ADAMTS13: variants seen among roughly 807,000 people sequenced by gnomAD.
ADAMTS13 encodes A disintegrin and metalloproteinase with thrombospondin motifs 13.
In ADAMTS13, 110 loss-of-function variants were observed where a neutral mutation model predicts 155.1. The observed-to-expected ratio is 0.71, with a 90% CI of 0.61 to 0.83. ADAMTS13 has a LOEUF of 0.83. ADAMTS13 is among the 40% of genes least tolerant of loss of function. The pLI is 0.00. For missense variants in ADAMTS13, 1,707 were observed against 1,891.7 expected (o/e 0.90, Z 1.81); for synonymous variants, 758 against 756.4 (o/e 1.00, Z -0.03).
At chr9:133,419,698 T>C (rs1839868392), upstream of ADAMTS13, among the ~76,000 whole-genome samples, 1 of 152,114 alleles carries the variant, frequency 6.6e-6, no homozygotes, top group Non-Finnish European at 1.5e-5. Flanking sequence ...GAACCAGATA[T>C]GGCACTGAGA....
chr9:133,453,783 C>T (rs1014157454), intron 23 of ADAMTS13, among the ~76,000 whole-genome samples: 1 of 152,196 alleles, frequency 6.6e-6, no homozygotes, highest in Non-Finnish European at 1.5e-5. Flanking sequence ...AATCCACGCT[C>T]TGAGAGGAGG....
chr9:133,423,784 C>T (rs1028168983), intron 2 of ADAMTS13, among the ~76,000 whole-genome samples: 39 of 152,348 alleles, frequency 2.6e-4, no homozygotes, highest in African/African-American at 8.4e-4. Context: ...TGCCTGGGGC[C>T]ACGCTGGGGG....
At position 133,424,221 on chromosome 9, in the gene ADAMTS13, G is replaced by T; in HGVS notation, c.173-100G>T. The T allele has an allele frequency of 6.4e-7, 1 of 1,573,262 alleles. No individual in the cohort carries two copies. Among genetic ancestry groups the T allele is most frequent in the Non-Finnish European group, 8.6e-7 (1 of 1,157,766 alleles). ...GGGTGACACGCAATGTCTTGACTTC[G>T]GAAGGCCATCCTTCCAAGACCTGCC... On this transcript the variant is annotated intron_variant, in intron 2 of 28. Coordinates refer to ENST00000355699, the MANE Select transcript of ADAMTS13 (RefSeq NM_139027.6). The surrounding 1 kb of genome is among the most constrained non-coding windows in gnomAD (Gnocchi z 4.3).
At chr9:133,431,570 G>T (rs188945868) in intron 8 of ADAMTS13, among the ~76,000 whole-genome samples, 1 of 151,942 alleles carries the variant, frequency 6.6e-6, no homozygotes, top group East Asian at 1.9e-4. Flanking sequence ...CAGGTGATCC[G>T]CCCGCCTTGG....
chr9:133,457,961 T>C lies in ADAMTS13; in HGVS notation c.3776T>C (p.Leu1259Pro), dbSNP rs1842837441. 6 of 1,613,768 alleles carry C rather than the reference T, an allele frequency of 3.7e-6. No individual in the cohort carries two copies. Among genetic ancestry groups the C allele is most frequent in the Non-Finnish European group, 5.1e-6 (6 of 1,180,042 alleles). The change falls in exon 28 of 29, where the codon CTG becomes CCG. Residue 1259 changes from leucine to proline, a missense_variant. Coordinates refer to ENST00000355699, the MANE Select transcript of ADAMTS13 (RefSeq NM_139027.6). Reference sequence around the variant, plus strand: ...TGGGGTGAAATCGTGAGCCCCTCGCTGAGTCCAGCCACGAGTAATGCAGGG... The same window carrying C: ...TGGGGTGAAATCGTGAGCCCCTCGCCGAGTCCAGCCACGAGTAATGCAGGG... ...GPWGEIVSPS[L>P]SPATSNAGGC...
rs587755633 is a variant in ADAMTS13 at position 133,441,743 on chromosome 9, A to G, written c.1969-656A>G. On this transcript the variant is annotated intron_variant, in intron 16 of 28. Coordinates refer to ENST00000355699, the MANE Select transcript of ADAMTS13 (RefSeq NM_139027.6). The surrounding 1 kb of genome is among the most constrained non-coding windows in gnomAD (Gnocchi z 5.0). ...GCTGGCCACAGGTCCCCAGGGATCC[A>G]GTTTCTTCCTGCCGACCCTACCACA... 5.3e-5 allele frequency among the ~76,000 whole-genome samples: 8 copies of G among 152,206 alleles called. 1 individual carries two copies. The highest frequency in any genetic ancestry group is 3.4e-3 in the Middle Eastern group (1 of 294).
rs782700247 is a variant in ADAMTS13 at position 133,454,593 on chromosome 9, C to T, written c.3223C>T (p.Arg1075Cys). ...CTGTCTCATTGCCGACTGCACCTAC[C>T]GCTGGCATGTTGGCACCTGGATGGA... ...VPCLIADCTY[R>C]WHVGTWMECS... Residue 1075 changes from arginine (R) to cysteine (C), a missense_variant, in exon 24 of 29, where the codon CGC becomes TGC. Coordinates refer to ENST00000355699, the MANE Select transcript of ADAMTS13 (RefSeq NM_139027.6). 4.4e-6 allele frequency: 7 copies of T among 1,604,450 alleles called. No homozygotes were observed. The highest frequency in any genetic ancestry group is 5.1e-6 in the Non-Finnish European group (6 of 1,179,616).
chr9:133,424,245 C>T lies in ADAMTS13; in HGVS notation c.173-76C>T. ...CGGAAGGCCATCCTTCCAAGACCTG[C>T]CAGCCCCTTTCCTGTTAGCTTTCCA... On this transcript the variant is annotated intron_variant, in intron 2 of 28. Coordinates refer to ENST00000355699, the MANE Select transcript of ADAMTS13 (RefSeq NM_139027.6). This position sits in a 1 kb window ranked among gnomAD's most constrained non-coding sequence, Gnocchi z 4.3. The T allele has an allele frequency of 1.3e-6, 2 of 1,597,958 alleles. No individual in the cohort carries two copies. The highest frequency in any genetic ancestry group is 1.7e-6 in the Non-Finnish European group (2 of 1,176,970).
chr9:133,428,223 G>C (rs976355119), intron 6 of ADAMTS13, among the ~76,000 whole-genome samples: 1 of 152,180 alleles, frequency 6.6e-6, no homozygotes, highest in African/African-American at 2.4e-5. Flanking sequence ...CTTTAAAATC[G>C]TGCTTTCCTC....
chr9:133,435,438 C>T (rs1228588699), intron 11 of ADAMTS13, among the ~76,000 whole-genome samples: 6 of 152,006 alleles, frequency 3.9e-5, no homozygotes, highest in Admixed American at 2.6e-4. Flanking sequence ...ATCTGCCCGC[C>T]TTGGCCTCCC....
intron 1 of ADAMTS13, among the ~76,000 whole-genome samples, 187 bp downstream of exon 1, chr9:133,422,735 G>T (rs1457199252): frequency 1.3e-5 from 2 of 152,078 alleles, no homozygotes; most frequent in African/African-American, 4.8e-5. Context: ...TGGTGTCTCA[G>T]TACGACCTGC....
exon 1 of ADAMTS13, chr9:133,414,600 A>G (rs781853196): frequency 1.4e-6 from 2 of 1,441,918 alleles, no homozygotes; most frequent in South Asian, 2.3e-5. Context: ...CAGCCTCCAT[A>G]AGGAGACAGG....
At position 133,459,172 on chromosome 9, in the gene ADAMTS13, G is replaced by A. The variant is rs1842943346; in HGVS notation, c.4108G>A (p.Gly1370Arg). 5 of 1,608,958 alleles carry A rather than the reference G, an allele frequency of 3.1e-6. No homozygotes were observed. The highest frequency in any genetic ancestry group is 1.1e-5 in the South Asian group (1 of 90,340). The change falls in exon 29 of 29, where the codon GGA becomes AGA. Residue 1370 changes from glycine to arginine, a missense_variant. This residue lies in a region of ADAMTS13 where 961 missense variants were observed against 1,107.9 expected (regional missense o/e 0.87). Transcript: ENST00000355699. ...QDPQSWKGKE[G>R]T The stretch of plus-strand genomic sequence containing the variant: ...CCCTCAGTCCTGGAAGGGAAAGGAA[G>A]GAACCTGAGGGTCATTGAACATTTG...
Position 133,453,648 on chromosome 9 carries a change from C to T in ADAMTS13, c.3045-767C>T, listed in dbSNP as rs149110502. Among the ~76,000 whole-genome samples the T allele has an allele frequency of 1.6e-3, 236 of 152,166 alleles. 2 individuals carry two copies. Among genetic ancestry groups the T allele is most frequent in the African/African-American group, 4.6e-3 (190 of 41,532 alleles). On this transcript the variant is annotated intron_variant, in intron 23 of 28. Coordinates refer to ENST00000355699, the MANE Select transcript of ADAMTS13 (RefSeq NM_139027.6). ...CTGCCCTCCAGCCTGGGTGACAGGG[C>T]GAGACCGTGTCTCAAAGAAAACCAT...
Position 133,424,942 on chromosome 9 carries a change from G to C in ADAMTS13, c.330+464G>C, listed in dbSNP as rs1840181187. ...AAGGAGATGCCCACCTTCATTTCTT[G>C]CTAGCACCTGAATCCCTGCAGCCCC... On this transcript the variant is annotated intron_variant, in intron 3 of 28. Coordinates refer to ENST00000355699, the MANE Select transcript of ADAMTS13 (RefSeq NM_139027.6). This position sits in a 1 kb window ranked among gnomAD's most constrained non-coding sequence, Gnocchi z 4.3. Among the ~76,000 whole-genome samples the C allele has an allele frequency of 2.0e-5, 3 of 152,198 alleles. No individual in the cohort carries two copies. The South Asian group carries it at 6.2e-4, about 31-fold the overall frequency.
At chr9:133,428,073 T>C (rs1840400154) in intron 6 of ADAMTS13, among the ~76,000 whole-genome samples, 1 of 152,140 alleles carries the variant, frequency 6.6e-6, no homozygotes, top group East Asian at 1.9e-4. Context: ...CACCGGTGCC[T>C]GGCCTCTCCC....
intron 8 of ADAMTS13, 58 bp from the exon 9 acceptor site, chr9:133,432,530 C>G: frequency 1.4e-6 from 2 of 1,439,220 alleles, no homozygotes; most frequent in Non-Finnish European, 1.9e-6. Flanking sequence ...AGGTTGGACA[C>G]TGGCCTGGAA....
At chr9:133,422,689 C>A in intron 1 of ADAMTS13, 141 bp downstream of exon 1, 1 of 794,910 alleles carries the variant, frequency 1.3e-6, no homozygotes, top group Non-Finnish European at 2.1e-6. Context: ...GTACTTGGGG[C>A]TTTGGGGGAT....
rs782517734 is a variant in ADAMTS13, at chr9:133,430,146, C to T, written c.987+45C>T. On this transcript the variant is annotated intron_variant, in intron 8 of 28. Transcript: ENST00000355699. ...CCTGGGATTGGCTGTGAGGTCCCTC[C>T]GCATCACCCAGCTCACGTCCCCCAA... 8.4e-6 allele frequency: 13 copies of T among 1,549,120 alleles called. No homozygotes were observed. The South Asian group carries it at 9.3e-5, about 11-fold the overall frequency.
Sources: gnomAD v4.1 joint callset for allele counts (sites outside exome capture counted in the v4.1 genomes callset) on GRCh38, gnomAD v4.1.1 for gene constraint, gnomAD v4.1.1 regional missense constraint, Gnocchi (gnomAD v3.1) non-coding constraint, MANE v1.5 for transcripts, NCBI Gene and HGNC (gene_info 2026-07-23, HGNC 2026-07-21) for gene names.